The following PARD3B variants were observed in gnomAD, a reference collection of about 807,000 sequenced individuals.
The protein encoded by PARD3B is partitioning defective 3 homolog B.
Under a neutral mutation model 130.2 loss-of-function variants are expected in PARD3B, and 103 were observed. The observed-to-expected ratio is 0.79, with a 90% CI of 0.67 to 0.93. The LOEUF (loss-of-function observed/expected upper bound fraction) is 0.93. PARD3B is among the 40% of genes least tolerant of loss of function. PARD3B has a pLI of 0.00. For synonymous variants in PARD3B, 583 were observed against 553.2 expected, an observed-to-expected ratio of 1.05 and a Z score of -0.76; for missense variants, 1,609 against 1,499.2, an observed-to-expected ratio of 1.07 and a Z score of -1.21.
At chr2:205,081,134 TATCA>T (rs991445218) in intron 4 of PARD3B, among the ~76,000 whole-genome samples, 5 of 152,108 alleles carry the variant, frequency 3.3e-5, no homozygotes, top group Non-Finnish European at 7.4e-5. Flanking sequence ...TAGTTCAATC[TATCA>T]ATCTTTTCCT....
chr2:204,668,909 A>T (rs1269732981), intron 1 of PARD3B, among the ~76,000 whole-genome samples: 1 of 152,168 alleles, frequency 6.6e-6, no homozygotes, highest in Non-Finnish European at 1.5e-5. Context: ...GCAGGAGAGA[A>T]GGTCAGACTT....
chr2:205,326,766 T>C (rs890791060), intron 18 of PARD3B, among the ~76,000 whole-genome samples: 1 of 152,176 alleles, frequency 6.6e-6, no homozygotes, highest in East Asian at 1.9e-4. Flanking sequence ...ATGCTGACAG[T>C]ATTTGCTGTC....
chr2:204,691,120 G>T (rs2037334427), intron 2 of PARD3B, among the ~76,000 whole-genome samples: 1 of 152,140 alleles, frequency 6.6e-6, no homozygotes, highest in East Asian at 1.9e-4. Flanking sequence ...CCACTGCAAA[G>T]CTTAATGCTT....
chr2:204,886,601 A>G (rs1056577455), intron 2 of PARD3B, among the ~76,000 whole-genome samples: 1 of 152,206 alleles, frequency 6.6e-6, no homozygotes, highest in African/African-American at 2.4e-5. Context: ...ATTAAGAAGG[A>G]CCTGCCTGGA....
chr2:205,091,397 T>C lies in PARD3B; in HGVS notation c.505-13029T>C, dbSNP rs1702098787. On this transcript the variant is annotated intron_variant, in intron 4 of 22. Coordinates refer to ENST00000406610, the MANE Select transcript of PARD3B (RefSeq NM_001302769.2). The surrounding 1 kb of genome is among the most constrained non-coding windows in gnomAD (Gnocchi z 4.2). ...AGAGGCTCCAGAAAAGATCGCAGCA[T>C]TGGCGACCTCTCACTTTTCTGCACC... Among the ~76,000 whole-genome samples the C allele has an allele frequency of 6.6e-6, 1 of 152,066 alleles. No individual in the cohort carries two copies. Among genetic ancestry groups the C allele is most frequent in the Non-Finnish European group, 1.5e-5 (1 of 68,012 alleles).
At chr2:205,026,684 C>A (rs1697056189) in intron 3 of PARD3B, among the ~76,000 whole-genome samples, 1 of 152,162 alleles carries the variant, frequency 6.6e-6, no homozygotes, top group Non-Finnish European at 1.5e-5. Flanking sequence ...CTCAACACTT[C>A]CTCCAACCCT....
intron 11 of PARD3B, among the ~76,000 whole-genome samples, chr2:205,168,316 A>AGTGTGTGTGTGTGT (rs200083729): frequency 2.1e-5 from 3 of 142,740 alleles, no homozygotes; most frequent in African/African-American, 7.9e-5. Context: ...AGAGAGAGAG[A>AGTGTGTGTGTGTGT]GAGAGTGTGT....
Position 204,545,585 on chromosome 2 carries a change from C to T in PARD3B, c.-415C>T, listed in dbSNP as rs1257936754. Among the ~76,000 whole-genome samples, 1 of 152,044 alleles carries T rather than the reference C, an allele frequency of 6.6e-6. No individual in the cohort carries two copies. The highest frequency in any genetic ancestry group is 2.4e-5 in the African/African-American group (1 of 41,438). On this transcript the variant is annotated 5_prime_UTR_variant, in exon 1 of 23. Coordinates refer to ENST00000406610, the MANE Select transcript of PARD3B (RefSeq NM_001302769.2). ...CGCCGCCGCCGCCCACTCCAGCCCC[C>T]GGCTTGGGGCCGGCCCTGCCAACGC...
At position 205,276,296 on chromosome 2, in the gene PARD3B, G is replaced by T. The variant is rs1323260118; in HGVS notation, c.2186-24234G>T. 6.6e-6 allele frequency among the ~76,000 whole-genome samples: 1 copy of T among 152,166 alleles called. No homozygotes were observed. The highest frequency in any genetic ancestry group is 1.5e-5 in the Non-Finnish European group (1 of 68,024). ...AGGGCGCCTGGTGCTGACAGCCTTG[G>T]CAAACAACCTAGAGAGAAAATATGT... On this transcript the variant is annotated intron_variant, in intron 16 of 22. Coordinates refer to ENST00000406610, the MANE Select transcript of PARD3B (RefSeq NM_001302769.2). The surrounding 1 kb of genome is among the most constrained non-coding windows in gnomAD (Gnocchi z 5.0).
Position 205,189,229 on chromosome 2 carries a change from G to C in PARD3B, c.2024+3366G>C, listed in dbSNP as rs143597119. 5.4e-4 allele frequency among the ~76,000 whole-genome samples: 82 copies of C among 152,250 alleles called. 1 individual carries two copies. Among genetic ancestry groups the C allele is most frequent in the African/African-American group, 1.8e-3 (73 of 41,542 alleles). On this transcript the variant is annotated intron_variant, in intron 14 of 22. Transcript: ENST00000406610. ...AGAAGCCAATTGTTGAAGTCCATCT[G>C]TGGACACCTGAGACTTCAGACATCA...
intron 20 of PARD3B, among the ~76,000 whole-genome samples, chr2:205,491,166 C>T (rs1377884500): frequency 6.6e-6 from 1 of 152,166 alleles, no homozygotes; most frequent in Non-Finnish European, 1.5e-5. Flanking sequence ...GTGTTTTAGA[C>T]ATGAAGTCCT....
rs956432442 is a variant in PARD3B, at chr2:205,301,278, T to G, written c.2393-186T>G. Among the ~76,000 whole-genome samples, 2 of 152,170 alleles carry G rather than the reference T, an allele frequency of 1.3e-5. No individual in the cohort carries two copies. The highest frequency in any genetic ancestry group is 4.8e-5 in the African/African-American group (2 of 41,456). ...CAACCGGTTGTCCCCACTCCCAGCA[T>G]CAAGTCTTGCTCGAAGTAACCAGAT... On this transcript the variant is annotated intron_variant, in intron 17 of 22. Coordinates refer to ENST00000406610, the MANE Select transcript of PARD3B (RefSeq NM_001302769.2). The surrounding 1 kb of genome is among the most constrained non-coding windows in gnomAD (Gnocchi z 5.2).
At chr2:205,156,460 T>G (rs1466124143) in intron 10 of PARD3B, among the ~76,000 whole-genome samples, 1 of 151,872 alleles carries the variant, frequency 6.6e-6, no homozygotes, top group Non-Finnish European at 1.5e-5. Context: ...TAAAATTGTA[T>G]ACTTTTGTTG....
chr2:205,005,110 C>T (rs1695147752), intron 3 of PARD3B, among the ~76,000 whole-genome samples: 1 of 152,052 alleles, frequency 6.6e-6, no homozygotes, highest in Admixed American at 6.5e-5. Context: ...TCCTAATTCA[C>T]CACCTCACTC....
chr2:205,551,935 C>T (rs541635851), intron 21 of PARD3B, among the ~76,000 whole-genome samples: 26 of 152,238 alleles, frequency 1.7e-4, no homozygotes, highest in African/African-American at 6.3e-4. Context: ...GAGGGATATC[C>T]AAGAGCAAAA....
At chr2:205,238,787 G>A (rs1443267847) in intron 15 of PARD3B, among the ~76,000 whole-genome samples, 6 of 130,128 alleles carry the variant, frequency 4.6e-5, no homozygotes, top group Middle Eastern at 5.7e-3. Flanking sequence ...AGCCAAGATC[G>A]CACCATTGCA....
At chr2:205,210,719 AT>A (rs35950127) in intron 15 of PARD3B, among the ~76,000 whole-genome samples, 5 of 149,562 alleles carry the variant, frequency 3.3e-5, no homozygotes. Context: ...GGGTGTCATC[AT>A]TTTTTTTTCA....
chr2:205,211,794 C>T (rs1389785317), intron 15 of PARD3B, among the ~76,000 whole-genome samples: 1 of 152,094 alleles, frequency 6.6e-6, no homozygotes, highest in Non-Finnish European at 1.5e-5. Flanking sequence ...GCTAATCTGT[C>T]CTCTGCTGAT....
At chr2:205,038,862 G>A (rs1698190395) in intron 3 of PARD3B, among the ~76,000 whole-genome samples, 1 of 152,104 alleles carries the variant, frequency 6.6e-6, no homozygotes, top group Admixed American at 6.6e-5. Flanking sequence ...GCAATAGTGG[G>A]AGTCTCTTTT....
Sources: allele counts gnomAD v4.1 joint callset (sites outside exome capture counted in the v4.1 genomes callset), GRCh38; gene constraint gnomAD v4.1.1; non-coding constraint Gnocchi (gnomAD v3.1); transcripts MANE v1.5; gene names NCBI Gene and HGNC (gene_info 2026-07-23, HGNC 2026-07-21).